MARCHF11: variants seen among roughly 807,000 people sequenced by gnomAD.
MARCHF11 encodes membrane associated ring-CH-type finger 11, also known as E3 ubiquitin-protein ligase MARCHF11.
Under a neutral mutation model 37.3 loss-of-function variants are expected in MARCHF11, and 29 were observed. The observed-to-expected ratio is 0.78, with a 90% CI of 0.58 to 1.06. The LOEUF (loss-of-function observed/expected upper bound fraction) is 1.06, where lower values mean the gene tolerates loss of function less well. MARCHF11 is among the 50% of genes least tolerant of loss of function. The pLI is 0.00. For missense variants in MARCHF11, 482 were observed against 533.4 expected (o/e 0.90, Z 0.95); for synonymous variants, 233 against 228.0 (o/e 1.02, Z -0.20).
At chr5:16,158,890 GC>G (rs938815463) in intron 2 of MARCHF11, among the ~76,000 whole-genome samples, 1 of 151,554 alleles carries the variant, frequency 6.6e-6, no homozygotes, top group Non-Finnish European at 1.5e-5. Flanking sequence ...AGTGTTTGTT[GC>G]CCCCTCCCTG....
At chr5:16,074,068 G>A (rs1051506593) in intron 3 of MARCHF11, among the ~76,000 whole-genome samples, 12 of 152,114 alleles carry the variant, frequency 7.9e-5, no homozygotes, top group African/African-American at 2.9e-4. Context: ...AGACCACAGT[G>A]GAATAAAATT....
chr5:16,075,805 C>T (rs920350784), intron 3 of MARCHF11, among the ~76,000 whole-genome samples: 6 of 152,130 alleles, frequency 3.9e-5, no homozygotes, highest in South Asian at 2.1e-4. Flanking sequence ...CCATAGTTCA[C>T]GAGTGGGTTT....
At chr5:16,071,795 C>CT (rs1560966228) in intron 3 of MARCHF11, among the ~76,000 whole-genome samples, 2 of 151,812 alleles carry the variant, frequency 1.3e-5, no homozygotes, top group African/African-American at 4.8e-5. Flanking sequence ...CCAGTCTCAG[C>CT]TTTTTTTTGG....
rs3993864 is a variant in MARCHF11 at position 16,166,891 on chromosome 5, A to ATG, written c.693+10833_693+10834dup. Among the ~76,000 whole-genome samples, 96 of 149,384 alleles carry ATG rather than the reference A, an allele frequency of 6.4e-4. 1 individual carries two copies. The highest frequency in any genetic ancestry group is 2.2e-3 in the African/African-American group (91 of 40,704). ...TCACCAGAGAAACAAAACCAACAGGATGTGTGTGTGTGTGTGTGTGTGTGT... is the reference window on the plus strand; with the variant it reads ...TCACCAGAGAAACAAAACCAACAGGATGTGTGTGTGTGTGTGTGTGTGTGTGT... On this transcript the variant is annotated intron_variant, in intron 2 of 3. Transcript: ENST00000332432.
At position 16,179,282 on chromosome 5, in the gene MARCHF11, C is replaced by A. The variant is rs754309008; in HGVS notation, c.294G>T (p.Ala98=). Residue 98 remains alanine, a synonymous_variant, in exon 1 of 4, where the codon GCG becomes GCT. Coordinates refer to ENST00000332432, the MANE Select transcript of MARCHF11 (RefSeq NM_001102562.3). The part of the protein sequence containing the change: ...PLQPAGQEVA[A]AGDSGEGPRR... ...TCGGACCTTCCCCGGAGTCGCCGGCCGCCGCCACTTCCTGGCCGGCGGGCT... is the reference window on the plus strand; with the variant it reads ...TCGGACCTTCCCCGGAGTCGCCGGCAGCCGCCACTTCCTGGCCGGCGGGCT... 4.9e-5 allele frequency: 63 copies of A among 1,295,200 alleles called. 1 individual carries two copies. In the South Asian group the frequency reaches 1.3e-3, roughly 27 times the overall value. The allele number at this position is 1,295,200 out of a possible 1,614,324, so 80.2% of individuals were successfully genotyped here.
At chr5:16,117,782 C>T (rs1026922513) in intron 2 of MARCHF11, among the ~76,000 whole-genome samples, 3 of 152,200 alleles carry the variant, frequency 2.0e-5, no homozygotes, top group Admixed American at 6.5e-5. Context: ...AAAATTTACT[C>T]GCTTATCCTA....
Position 16,067,418 on chromosome 5 carries a change from A to G in MARCHF11, c.*53T>C. The G allele has an allele frequency of 6.5e-7, 1 of 1,539,170 alleles. No homozygotes were observed. The highest frequency in any genetic ancestry group is 8.9e-7 in the Non-Finnish European group (1 of 1,127,898). On this transcript the variant is annotated 3_prime_UTR_variant, in exon 4 of 4. Coordinates refer to ENST00000332432, the MANE Select transcript of MARCHF11 (RefSeq NM_001102562.3). ...TGCTATGGTTTTGCCATTCACTGCAATTACATTGCAAAATGTGCAGGGTGG... is the reference window on the plus strand; with the variant it reads ...TGCTATGGTTTTGCCATTCACTGCAGTTACATTGCAAAATGTGCAGGGTGG...
chr5:16,101,058 T>A (rs1165632652), intron 2 of MARCHF11, among the ~76,000 whole-genome samples: 1 of 151,908 alleles, frequency 6.6e-6, no homozygotes, highest in Non-Finnish European at 1.5e-5. Context: ...TACCAAAGAT[T>A]CTGTATCTCA....
At chr5:16,107,722 G>A (rs1332663241) in intron 2 of MARCHF11, among the ~76,000 whole-genome samples, 8 of 151,872 alleles carry the variant, frequency 5.3e-5, no homozygotes, top group South Asian at 2.1e-4. Context: ...TATAAATACC[G>A]AACCCCAGGC....
chr5:16,088,364 C>T (rs1349993920), intron 3 of MARCHF11, among the ~76,000 whole-genome samples: 1 of 152,176 alleles, frequency 6.6e-6, no homozygotes, highest in African/African-American at 2.4e-5. Context: ...TTCACAGAAC[C>T]TAGCACTGTT....
intron 2 of MARCHF11, among the ~76,000 whole-genome samples, chr5:16,151,563 C>A (rs1244197732): frequency 7.2e-6 from 1 of 139,100 alleles, no homozygotes; most frequent in African/African-American, 2.8e-5. Flanking sequence ...TTTTTGTCTC[C>A]TAGCAGAACA....
chr5:16,070,711 T>C (rs1040840747), intron 3 of MARCHF11, among the ~76,000 whole-genome samples: 4 of 152,196 alleles, frequency 2.6e-5, no homozygotes, highest in Non-Finnish European at 2.9e-5. Context: ...TATAGTACAT[T>C]TTGAACCAAA....
chr5:16,176,074 A>G (rs1229243269), intron 2 of MARCHF11, among the ~76,000 whole-genome samples: 1 of 150,656 alleles, frequency 6.6e-6, no homozygotes, highest in East Asian at 1.9e-4. Context: ...TTTTTGCTAT[A>G]GGATTAAAAT....
intron 3 of MARCHF11, among the ~76,000 whole-genome samples, chr5:16,083,861 C>A (rs143713874): frequency 6.6e-6 from 1 of 152,080 alleles, no homozygotes; most frequent in African/African-American, 2.4e-5. Flanking sequence ...ACAAGGAGGA[C>A]GACGATGACC....
intron 3 of MARCHF11, among the ~76,000 whole-genome samples, chr5:16,077,990 G>C (rs947555239): frequency 2.0e-4 from 31 of 152,074 alleles, no homozygotes; most frequent in Non-Finnish European, 1.5e-4. Flanking sequence ...TATTTAAAAA[G>C]GTATTTACTC....
intron 2 of MARCHF11, among the ~76,000 whole-genome samples, chr5:16,151,220 T>C (rs973364406): frequency 6.6e-6 from 1 of 152,068 alleles, no homozygotes; most frequent in Non-Finnish European, 1.5e-5. Flanking sequence ...GGCTTCATAG[T>C]AACCCATTGT....
At chr5:16,094,999 G>T (rs968881990) in intron 2 of MARCHF11, among the ~76,000 whole-genome samples, 14 of 152,090 alleles carry the variant, frequency 9.2e-5, no homozygotes, top group Admixed American at 9.2e-4. Context: ...CGTGCCCAAG[G>T]TTACACATCC....
At chr5:16,117,350 T>C (rs1737240156) in intron 2 of MARCHF11, among the ~76,000 whole-genome samples, 1 of 152,250 alleles carries the variant, frequency 6.6e-6, no homozygotes, top group Non-Finnish European at 1.5e-5. Flanking sequence ...CGGCATGTTT[T>C]CACTAACCTT....
intron 2 of MARCHF11, among the ~76,000 whole-genome samples, chr5:16,120,653 C>T (rs892230104): frequency 3.3e-5 from 5 of 152,332 alleles, no homozygotes; most frequent in East Asian, 1.9e-4. Flanking sequence ...GCCACATGAG[C>T]GGCAGCTCCT....
Sources: allele counts gnomAD v4.1 joint callset (sites outside exome capture counted in the v4.1 genomes callset), GRCh38; gene constraint gnomAD v4.1.1; transcripts MANE v1.5; gene names NCBI Gene and HGNC (gene_info 2026-07-23, HGNC 2026-07-21).